MME: variants seen among roughly 807,000 people sequenced by gnomAD.
MME encodes the protein neprilysin.
In MME, 98 loss-of-function variants were observed where a neutral mutation model predicts 113.2. The ratio of observed to expected loss-of-function variants is 0.87; its 90% confidence interval spans 0.74 to 1.02. The LOEUF is 1.02. MME is among the 50% of genes least tolerant of loss of function. The pLI is 0.00. For synonymous variants in MME, 292 were observed against 300.6 expected (o/e 0.97, Z 0.30); for missense variants, 836 against 896.0 (o/e 0.93, Z 0.86).
chr3:155,166,307 A>G (rs1559961659), intron 17 of MME, among the ~76,000 whole-genome samples: 1 of 152,168 alleles, frequency 6.6e-6, no homozygotes, highest in South Asian at 2.1e-4. Flanking sequence ...AAAAGGAAGG[A>G]CTGTGATCAT....
chr3:155,174,799 A>G (rs1431145823), intron 22 of MME, among the ~76,000 whole-genome samples: 3 of 152,148 alleles, frequency 2.0e-5, no homozygotes, highest in Non-Finnish European at 4.4e-5. Context: ...GTTAAGGTAT[A>G]AGAATCTAAT....
intron 1 of MME, among the ~76,000 whole-genome samples, chr3:155,025,812 A>G (rs1159935924): frequency 6.9e-6 from 1 of 143,996 alleles, no homozygotes; most frequent in Non-Finnish European, 1.5e-5. Flanking sequence ...CTCCTGCCTC[A>G]GCCTCCCAAG....
intron 4 of MME, 48 bp from the exon 5 acceptor site, chr3:155,116,431 G>A: frequency 1.5e-6 from 2 of 1,308,858 alleles, no homozygotes; most frequent in Non-Finnish European, 2.2e-6. Flanking sequence ...TTTGCATAGT[G>A]CAAATGAGCA....
At chr3:155,119,410 CTTTTT>C (rs781633297) in intron 8 of MME, among the ~76,000 whole-genome samples, 3 of 112,294 alleles carry the variant, frequency 2.7e-5, no homozygotes, top group African/African-American at 9.6e-5. Context: ...TTCACGTGCT[CTTTTT>C]TTTTTTTTTT....
intron 1 of MME, among the ~76,000 whole-genome samples, chr3:155,044,129 T>TTC (rs1347921159): frequency 2.9e-5 from 4 of 138,742 alleles, no homozygotes; most frequent in African/African-American, 1.1e-4. Context: ...CTTTTTCTTT[T>TTC]TTTTTTTTTT....
At chr3:155,035,786 GA>G (rs1318599160) in intron 1 of MME, among the ~76,000 whole-genome samples, 9 of 152,160 alleles carry the variant, frequency 5.9e-5, no homozygotes, top group Non-Finnish European at 1.3e-4. Flanking sequence ...AGCAGATGAT[GA>G]GGGACCTAGC....
At chr3:155,066,945 A>T (rs959711247) in intron 1 of MME, among the ~76,000 whole-genome samples, 2 of 152,144 alleles carry the variant, frequency 1.3e-5, no homozygotes, top group Non-Finnish European at 2.9e-5. Context: ...TTATATAATA[A>T]CTCTGTATAC....
intron 8 of MME, among the ~76,000 whole-genome samples, chr3:155,128,273 C>A (rs1222685316): frequency 1.3e-5 from 2 of 152,080 alleles, no homozygotes; most frequent in Non-Finnish European, 2.9e-5. Context: ...TCCAATGTTA[C>A]CCTTATTTTT....
At chr3:155,104,678 C>T (rs1219766533) in intron 3 of MME, among the ~76,000 whole-genome samples, 2 of 152,212 alleles carry the variant, frequency 1.3e-5, no homozygotes, top group Non-Finnish European at 2.9e-5. Context: ...ACCCCCATTG[C>T]TCCCTCTTCA....
chr3:155,066,778 C>T (rs537849710), intron 1 of MME, among the ~76,000 whole-genome samples: 1 of 152,170 alleles, frequency 6.6e-6, no homozygotes, highest in East Asian at 1.9e-4. Flanking sequence ...CTGCTGAAAG[C>T]CTGAGACTAA....
upstream of MME, among the ~76,000 whole-genome samples, chr3:155,076,153 A>G (rs545986099): frequency 6.6e-6 from 1 of 152,314 alleles, no homozygotes; most frequent in South Asian, 2.1e-4. Flanking sequence ...AGGCTACACA[A>G]TTAGTATAAA....
At chr3:155,126,962 G>A (rs541125090) in intron 8 of MME, among the ~76,000 whole-genome samples, 15 of 149,548 alleles carry the variant, frequency 1.0e-4, no homozygotes, top group South Asian at 6.4e-4. Flanking sequence ...AGCCAAGATC[G>A]TGCCATTGGA....
intron 3 of MME, among the ~76,000 whole-genome samples, chr3:155,097,257 A>C (rs895413550): frequency 6.6e-6 from 1 of 152,220 alleles, no homozygotes; most frequent in African/African-American, 2.4e-5. Flanking sequence ...CATGTGGATG[A>C]TATGGTTGAG....
At chr3:155,128,555 T>C (rs1398625991) in intron 8 of MME, among the ~76,000 whole-genome samples, 2 of 152,190 alleles carry the variant, frequency 1.3e-5, no homozygotes, top group Non-Finnish European at 2.9e-5. Context: ...TTCTCCCTTA[T>C]AGGCTTTTAT....
intron 3 of MME, among the ~76,000 whole-genome samples, chr3:155,106,490 A>G (rs1008830890): frequency 1.3e-5 from 2 of 152,150 alleles, no homozygotes; most frequent in African/African-American, 4.8e-5. Context: ...TTAGCATTAG[A>G]GTCTACGTGC....
chr3:155,127,896 A>T (rs927502506), intron 8 of MME, among the ~76,000 whole-genome samples: 1 of 152,126 alleles, frequency 6.6e-6, no homozygotes, highest in East Asian at 1.9e-4. Context: ...TGAGCAAATG[A>T]TAGAAGAAAC....
At chr3:155,102,402 A>C (rs991427945) in intron 3 of MME, among the ~76,000 whole-genome samples, 3 of 152,078 alleles carry the variant, frequency 2.0e-5, no homozygotes, top group Non-Finnish European at 2.9e-5. Context: ...ATACCCTTTG[A>C]GTCATTTCTC....
Position 155,172,151 on chromosome 3 carries a change from A to G in MME, c.2015A>G (p.Glu672Gly), listed in dbSNP as rs1712036914. 1.2e-6 allele frequency: 2 copies of G among 1,611,216 alleles called. No individual in the cohort carries two copies. Among genetic ancestry groups the G allele is most frequent in the Non-Finnish European group, 1.7e-6 (2 of 1,177,634 alleles). Reference protein sequence around the residue: ...YQNYIKKNGEEKLLPGLDLNH... With the variant: ...YQNYIKKNGEGKLLPGLDLNH... Reference sequence around the variant, plus strand: ...AATTATATTAAAAAGAATGGCGAAGAAAAATTACTTCCTGGACTTGACCTA... The same window carrying G: ...AATTATATTAAAAAGAATGGCGAAGGAAAATTACTTCCTGGACTTGACCTA... Residue 672 changes from glutamate (E) to glycine (G), a missense_variant, in exon 21 of 23, where the codon GAA becomes GGA. By Grantham distance (98) the Glu-to-Gly change is moderately conservative (BLOSUM62 -2). Transcript: ENST00000360490.
At chr3:155,097,095 A>C (rs73010289) in intron 3 of MME, among the ~76,000 whole-genome samples, 4 of 152,278 alleles carry the variant, frequency 2.6e-5, no homozygotes, top group African/African-American at 9.6e-5. Flanking sequence ...CAAGCTAGGG[A>C]GCACTGAAGC....
Sources: allele counts gnomAD v4.1 joint callset (sites outside exome capture counted in the v4.1 genomes callset), GRCh38; gene constraint gnomAD v4.1.1; transcripts MANE v1.5; gene names NCBI Gene and HGNC (gene_info 2026-07-23, HGNC 2026-07-21).